The following KDM4C variants were observed in gnomAD, a reference collection of about 807,000 sequenced individuals.
KDM4C encodes lysine-specific demethylase 4C.
In KDM4C, 81 loss-of-function variants were observed where a neutral mutation model predicts 129.3. The ratio of observed to expected loss-of-function variants is 0.63; its 90% confidence interval spans 0.52 to 0.75. KDM4C has a LOEUF of 0.75. KDM4C is among the 30% of genes least tolerant of loss of function. The probability of loss-of-function intolerance (pLI) is 0.00; values close to 1 mark genes in which losing one functional copy is unlikely to be tolerated. For synonymous variants in KDM4C, 573 were observed against 456.1 expected (o/e 1.26, Z -3.26); for missense variants, 1,457 against 1,304.0 (o/e 1.12, Z -1.81).
At chr9:6,917,593 A>G (rs981507789) in intron 8 of KDM4C, among the ~76,000 whole-genome samples, 1 of 152,010 alleles carries the variant, frequency 6.6e-6, no homozygotes, top group South Asian at 2.1e-4. Flanking sequence ...CCCATTTCCT[A>G]TCCCTAAATT....
chr9:7,100,925 T>A (rs1200973770), intron 17 of KDM4C, among the ~76,000 whole-genome samples: 4 of 152,212 alleles, frequency 2.6e-5, no homozygotes, highest in African/African-American at 9.6e-5. Flanking sequence ...TACTTTGGTT[T>A]CTCTGTTCGT....
chr9:6,764,869 T>G (rs759569185), intron 1 of KDM4C, among the ~76,000 whole-genome samples: 10 of 152,202 alleles, frequency 6.6e-5, no homozygotes, highest in Non-Finnish European at 1.0e-4. Context: ...ACTCTGATCT[T>G]TCCTCTCAGC....
intron 17 of KDM4C, among the ~76,000 whole-genome samples, chr9:7,099,148 C>A (rs1053550794): frequency 2.6e-5 from 4 of 151,790 alleles, no homozygotes; most frequent in African/African-American, 9.7e-5. Context: ...CAGGAAACAA[C>A]AATTAAAAAG....
chr9:6,942,553 C>T (rs1826154022), intron 8 of KDM4C: 1 of 151,890 alleles, frequency 6.6e-6, no homozygotes, highest in African/African-American at 2.4e-5. Flanking sequence ...TGCCACTGCT[C>T]TTCTGCTACC....
chr9:6,821,727 C>T (rs568140063), intron 4 of KDM4C, among the ~76,000 whole-genome samples: 14 of 152,122 alleles, frequency 9.2e-5, no homozygotes, highest in South Asian at 2.1e-4. Context: ...CCTTCACCCC[C>T]GGGTTCAAGC....
intron 17 of KDM4C, among the ~76,000 whole-genome samples, chr9:7,071,761 A>G (rs1458268405): frequency 6.6e-6 from 1 of 152,158 alleles, no homozygotes; most frequent in Admixed American, 6.5e-5. Context: ...CATTAAAACA[A>G]TTGAAAAATT....
At chr9:6,866,482 G>T (rs370940835) in intron 5 of KDM4C, among the ~76,000 whole-genome samples, 101 of 152,254 alleles carry the variant, frequency 6.6e-4, no homozygotes, top group Middle Eastern at 3.4e-3. Context: ...GTGTAGCACT[G>T]CTGAGCTGCC....
chr9:7,056,177 A>AAGG (rs1336471582), intron 17 of KDM4C, among the ~76,000 whole-genome samples: 5 of 152,208 alleles, frequency 3.3e-5, no homozygotes, highest in African/African-American at 1.2e-4. Context: ...AACTATTCTA[A>AAGG]AGGAGGAGTA....
chr9:6,738,974 C>T (rs986380404), intron 1 of KDM4C, among the ~76,000 whole-genome samples: 7 of 151,896 alleles, frequency 4.6e-5, no homozygotes, highest in African/African-American at 1.7e-4. Context: ...ATTTATTCTC[C>T]CACCTCAGCC....
At chr9:6,807,979 G>T (rs1435711148) in intron 3 of KDM4C, among the ~76,000 whole-genome samples, 1 of 129,290 alleles carries the variant, frequency 7.7e-6, no homozygotes, top group Non-Finnish European at 1.6e-5. Context: ...CGCCCCGTCC[G>T]GGAGGGAGGT....
intron 8 of KDM4C, among the ~76,000 whole-genome samples, chr9:6,954,901 T>C (rs1828796511): frequency 6.6e-6 from 1 of 152,182 alleles, no homozygotes; most frequent in Non-Finnish European, 1.5e-5. Context: ...ATATTGCAAA[T>C]TGGGAATTAA....
chr9:6,868,520 A>C (rs1156632998), intron 5 of KDM4C, among the ~76,000 whole-genome samples: 2 of 152,144 alleles, frequency 1.3e-5, no homozygotes, highest in Non-Finnish European at 2.9e-5. Context: ...CCCTGATATA[A>C]AGTGCGTGGT....
chr9:7,067,070 A>G (rs975472138), intron 17 of KDM4C, among the ~76,000 whole-genome samples: 1 of 152,256 alleles, frequency 6.6e-6, no homozygotes, highest in Admixed American at 6.5e-5. Context: ...TGAAGGAACC[A>G]GCAACACAAA....
intron 17 of KDM4C, among the ~76,000 whole-genome samples, chr9:7,062,483 G>T (rs1204985415): frequency 6.6e-6 from 1 of 152,134 alleles, no homozygotes; most frequent in African/African-American, 2.4e-5. Context: ...TACTTCCTGG[G>T]CTTAAGTGAT....
At chr9:6,828,532 T>C (rs924021939) in intron 4 of KDM4C, among the ~76,000 whole-genome samples, 11 of 152,100 alleles carry the variant, frequency 7.2e-5, no homozygotes, top group Non-Finnish European at 8.8e-5. Context: ...GACCTTGGAA[T>C]GTTCACGTAG....
intron 17 of KDM4C, among the ~76,000 whole-genome samples, chr9:7,073,469 C>T (rs1466793857): frequency 1.3e-5 from 2 of 152,184 alleles, no homozygotes; most frequent in Non-Finnish European, 2.9e-5. Flanking sequence ...ATGTTCTCTC[C>T]CACTAAGCTA....
At chr9:7,028,395 C>T (rs886372745) in intron 15 of KDM4C, among the ~76,000 whole-genome samples, 2 of 151,792 alleles carry the variant, frequency 1.3e-5, no homozygotes, top group Non-Finnish European at 2.9e-5. Context: ...GAGCTAGGCC[C>T]TGCAATGGAG....
intron 9 of KDM4C, among the ~76,000 whole-genome samples, 175 bp from the exon 10 acceptor site, chr9:6,983,991 T>G (rs1817233232): frequency 6.6e-6 from 1 of 152,348 alleles, no homozygotes; most frequent in Admixed American, 6.5e-5. Flanking sequence ...GAAAATTGTG[T>G]TTAAGATTTT....
At chr9:6,859,936 A>G (rs912173474) in intron 5 of KDM4C, among the ~76,000 whole-genome samples, 1 of 151,998 alleles carries the variant, frequency 6.6e-6, no homozygotes, top group East Asian at 1.9e-4. Flanking sequence ...TAAGTCTTGC[A>G]GTTGGGATTC....
Sources: gnomAD v4.1 joint callset for allele counts (sites outside exome capture counted in the v4.1 genomes callset) on GRCh38, gnomAD v4.1.1 for gene constraint, MANE v1.5 for transcripts, NCBI Gene and HGNC (gene_info 2026-07-23, HGNC 2026-07-21) for gene names.